The following GPR158 variants were observed in gnomAD, a reference collection of about 807,000 sequenced individuals.
The protein encoded by GPR158 is metabotropic glycine receptor.
Under a neutral mutation model 78.2 loss-of-function variants are expected in GPR158, and 30 were observed. The observed-to-expected ratio is 0.38, with a 90% CI of 0.29 to 0.52. The LOEUF (loss-of-function observed/expected upper bound fraction) is 0.52, where lower values mean the gene tolerates loss of function less well. Ranked by LOEUF, GPR158 falls within the 20% of genes least tolerant of loss-of-function variation. GPR158 has a pLI of 0.83. For synonymous variants in GPR158, 581 were observed against 591.1 expected, an observed-to-expected ratio of 0.98 and a Z score of 0.25; for missense variants, 1,463 against 1,523.5, an observed-to-expected ratio of 0.96 and a Z score of 0.66.
At chr10:25,544,338 TC>T (rs1836631102) in intron 5 of GPR158, among the ~76,000 whole-genome samples, 1 of 151,898 alleles carries the variant, frequency 6.6e-6, no homozygotes, top group African/African-American at 2.4e-5. Flanking sequence ...AGGCAGTTCT[TC>T]CAGTAAAGGA....
At chr10:25,372,013 A>C (rs1164923391) in intron 2 of GPR158, among the ~76,000 whole-genome samples, 2 of 151,920 alleles carry the variant, frequency 1.3e-5, no homozygotes, top group Non-Finnish European at 2.9e-5. Context: ...TTTACAAGAC[A>C]AAAACAAACA....
At chr10:25,257,803 T>C (rs1455976608) in intron 2 of GPR158, among the ~76,000 whole-genome samples, 1 of 152,218 alleles carries the variant, frequency 6.6e-6, no homozygotes, top group East Asian at 1.9e-4. Flanking sequence ...TCCGTTCTCA[T>C]ATGAATATAT....
At chr10:25,507,018 C>A (rs1354462933) in intron 5 of GPR158, among the ~76,000 whole-genome samples, 1 of 152,124 alleles carries the variant, frequency 6.6e-6, no homozygotes, top group Non-Finnish European at 1.5e-5. Context: ...TAGTTTAGAA[C>A]AAGAAGGTTT....
At chr10:25,192,846 A>G (rs1307566818) in intron 1 of GPR158, among the ~76,000 whole-genome samples, 1 of 152,184 alleles carries the variant, frequency 6.6e-6, no homozygotes, top group Non-Finnish European at 1.5e-5. Context: ...AGTAAAAACT[A>G]TACTTTGGTA....
At chr10:25,206,261 A>G (rs1337141233) in intron 1 of GPR158, among the ~76,000 whole-genome samples, 1 of 152,156 alleles carries the variant, frequency 6.6e-6, no homozygotes, top group Non-Finnish European at 1.5e-5. Context: ...TGCTGGGATT[A>G]CAGGCGTGAG....
chr10:25,266,122 G>A (rs1854042182), intron 2 of GPR158, among the ~76,000 whole-genome samples: 1 of 152,100 alleles, frequency 6.6e-6, no homozygotes, highest in African/African-American at 2.4e-5. Flanking sequence ...AATCCCTGTA[G>A]CCTTCAGATC....
rs564436206 is a variant in GPR158, at chr10:25,313,227, A to G, written c.1009-82684A>G. 1.5e-4 allele frequency among the ~76,000 whole-genome samples: 20 copies of G among 137,020 alleles called. No individual in the cohort carries two copies. The South Asian group carries it at 4.1e-3, about 28-fold the overall frequency. The allele number at this position is 137,020 out of a possible 152,430, so 89.9% of individuals were successfully genotyped here. A position where few individuals can be genotyped will look rare whatever the true frequency, so the allele number is the denominator to read the frequency against. On this transcript the variant is annotated intron_variant, in intron 2 of 10. Coordinates refer to ENST00000376351, the MANE Select transcript of GPR158 (RefSeq NM_020752.3). ...ACTAAGTATAAACTTTATCATGTTT[A>G]AAAAGCACTGGGGACTGTTGTGGGG...
rs1335036676 is a variant in GPR158, at chr10:25,551,088, A to G, written c.1514+3A>G. 3.5e-6 allele frequency: 5 copies of G among 1,447,818 alleles called. No homozygotes were observed. The highest frequency in any genetic ancestry group is 4.9e-6 in the Non-Finnish European group (5 of 1,028,366). 89.7% of individuals were successfully genotyped at this position (1,447,818 alleles called of 1,614,324 possible). On this transcript the variant is annotated splice_donor_region_variant and intron_variant, in intron 6 of 10. Coordinates refer to ENST00000376351, the MANE Select transcript of GPR158 (RefSeq NM_020752.3). The stretch of plus-strand genomic sequence containing the variant: ...ACTGTCACTCTCAAACTTCACAGGT[A>G]TATACATTTTATTCATCGTCATTCT...
intron 9 of GPR158, among the ~76,000 whole-genome samples, chr10:25,595,591 C>T (rs548750887): frequency 4.6e-5 from 7 of 152,126 alleles, no homozygotes; most frequent in African/African-American, 7.2e-5. Flanking sequence ...GAAGTTCTGG[C>T]ACATGTTACA....
intron 4 of GPR158, among the ~76,000 whole-genome samples, chr10:25,454,658 C>G (rs575653947): frequency 6.6e-6 from 1 of 152,242 alleles, no homozygotes; most frequent in Admixed American, 6.5e-5. Context: ...GTTCTGCCTC[C>G]ACCCACCCTG....
chr10:25,432,959 A>C (rs563893240), intron 4 of GPR158, among the ~76,000 whole-genome samples: 1 of 152,326 alleles, frequency 6.6e-6, no homozygotes, highest in Non-Finnish European at 1.5e-5. Context: ...ATCACAATGA[A>C]ACAGTATAAT....
intron 3 of GPR158, among the ~76,000 whole-genome samples, chr10:25,404,165 A>T (rs577174509): frequency 6.6e-6 from 1 of 152,086 alleles, no homozygotes; most frequent in African/African-American, 2.4e-5. Flanking sequence ...TAAAGGGAAC[A>T]CTCAATATCA....
chr10:25,298,710 CTTT>C (rs915038077), intron 2 of GPR158, among the ~76,000 whole-genome samples: 3 of 152,104 alleles, frequency 2.0e-5, no homozygotes, highest in Non-Finnish European at 4.4e-5. Context: ...CAGTTTGACT[CTTT>C]TTTATGTTAT....
intron 2 of GPR158, among the ~76,000 whole-genome samples, chr10:25,260,914 A>C (rs549157181): frequency 2.5e-4 from 38 of 152,298 alleles, no homozygotes; most frequent in African/African-American, 9.1e-4. Flanking sequence ...AAAATGTTTT[A>C]AAAGTTTTCA....
chr10:25,598,353 C>T lies in GPR158; in HGVS notation c.2727C>T (p.Ala909=). ...AGTCTCTCAGTGTCATAGCAAGCGC[C>T]AAGGAGAAGACTCTTGGATTAGCTG... ...LQKSLSVIAS[A]KEKTLGLAGK... The change falls in exon 11 of 11, where the codon GCC becomes GCT. Residue 909 remains alanine (A), a synonymous_variant. Coordinates refer to ENST00000376351, the MANE Select transcript of GPR158 (RefSeq NM_020752.3). 1.2e-6 allele frequency: 2 copies of T among 1,614,038 alleles called. No individual in the cohort carries two copies. The highest frequency in any genetic ancestry group is 1.7e-6 in the Non-Finnish European group (2 of 1,180,010).
At chr10:25,234,695 G>T (rs1033500617) in intron 2 of GPR158, among the ~76,000 whole-genome samples, 1 of 152,180 alleles carries the variant, frequency 6.6e-6, no homozygotes, top group South Asian at 2.1e-4. Flanking sequence ...TGTCTGAGTA[G>T]TGCTGATTGT....
intron 2 of GPR158, among the ~76,000 whole-genome samples, chr10:25,264,103 G>C (rs1302784557): frequency 6.6e-6 from 1 of 152,006 alleles, no homozygotes; most frequent in Non-Finnish European, 1.5e-5. Flanking sequence ...CCAGCATTGT[G>C]GTAACTGGTT....
At chr10:25,545,424 T>C (rs193234737) in intron 5 of GPR158, among the ~76,000 whole-genome samples, 1 of 152,152 alleles carries the variant, frequency 6.6e-6, no homozygotes, top group Non-Finnish European at 1.5e-5. Context: ...TGGTATCTCA[T>C]TGTGGTTTTG....
intron 5 of GPR158, among the ~76,000 whole-genome samples, chr10:25,546,101 C>T (rs1197236244): frequency 6.6e-6 from 1 of 152,060 alleles, no homozygotes; most frequent in Non-Finnish European, 1.5e-5. Flanking sequence ...CAGGATGAGG[C>T]AGGGAATGAC....
Sources: allele counts gnomAD v4.1 joint callset (sites outside exome capture counted in the v4.1 genomes callset), GRCh38; gene constraint gnomAD v4.1.1; transcripts MANE v1.5; gene names NCBI Gene and HGNC (gene_info 2026-07-23, HGNC 2026-07-21).